Variants in UNC80 observed in about 807,000 individuals in gnomAD.
UNC80 encodes unc-80 subunit of NALCN channel complex.
A neutral mutation model predicts 384.6 loss-of-function variants in UNC80; 164 were observed. The ratio of observed to expected loss-of-function variants is 0.43; its 90% CI spans 0.38 to 0.49. UNC80 has a LOEUF of 0.49. UNC80 is among the 20% of genes least tolerant of loss of function. The pLI, the probability that UNC80 is intolerant of heterozygous loss-of-function variation, is 0.00. For missense variants in UNC80, 3,330 were observed against 4,143.0 expected, an observed-to-expected ratio of 0.80 and a Z score of 5.39; for synonymous variants, 1,486 against 1,527.8, an observed-to-expected ratio of 0.97 and a Z score of 0.64.
At chr2:209,969,639 C>A in intron 52 of UNC80, 129 bp from the exon 53 acceptor site, 2 of 1,313,812 alleles carry the variant, frequency 1.5e-6, no homozygotes, top group Non-Finnish European at 2.1e-6. Flanking sequence ...GCTTTTGGAA[C>A]AATATGGGTA....
intron 35 of UNC80, among the ~76,000 whole-genome samples, chr2:209,923,275 G>T (rs189351501): frequency 1.3e-5 from 2 of 152,132 alleles, no homozygotes; most frequent in East Asian, 3.9e-4. Context: ...CTAATCCAAG[G>T]TCGCAATTTG....
intron 22 of UNC80, among the ~76,000 whole-genome samples, chr2:209,869,436 A>T (rs149620349): frequency 6.6e-6 from 1 of 152,298 alleles, no homozygotes; most frequent in African/African-American, 2.4e-5. Flanking sequence ...CAAACTCAGC[A>T]AACTTAATTA....
At chr2:209,978,761 G>A in intron 59 of UNC80, 53 bp downstream of exon 59, 5 of 1,426,674 alleles carry the variant, frequency 3.5e-6, no homozygotes, top group Non-Finnish European at 4.7e-6. Context: ...CATACGAGCA[G>A]GGGCTTGGGA....
At chr2:209,968,744 T>G in intron 52 of UNC80, 1 of 152,222 alleles carries the variant, frequency 6.6e-6, no homozygotes, top group Non-Finnish European at 1.5e-5. Context: ...AATTCCTTTC[T>G]TAAATACTTC....
At chr2:209,842,530 A>G in intron 21 of UNC80, 84 bp downstream of exon 21, 1 of 964,914 alleles carries the variant, frequency 1.0e-6, no homozygotes, top group Non-Finnish European at 1.6e-6. Flanking sequence ...TCCATTTTCT[A>G]TTTTCATTGG....
intron 31 of UNC80, among the ~76,000 whole-genome samples, chr2:209,915,897 T>C (rs1458479160): frequency 6.6e-6 from 1 of 152,184 alleles, no homozygotes; most frequent in Non-Finnish European, 1.5e-5. Flanking sequence ...TTCCAACACA[T>C]GGAAATAATA....
rs2080064794 is a variant in UNC80 at position 209,820,606 on chromosome 2, G to A, written c.2258G>A (p.Gly753Glu). The A allele has an allele frequency of 6.4e-7, 1 of 1,550,644 alleles. No homozygotes were observed. ...EEGGGGDGGG[G>E]GGDGGGGGGG... ...GGAGGAGGTGGAGATGGAGGAGGTG[G>A]AGGAGGTGATGGAGGAGGAGGTGGA... is the stretch of plus-strand genomic sequence containing the variant. The change falls in exon 13 of 65, where the codon GGA becomes GAA. Residue 753 changes from glycine to glutamate, a missense_variant. Gly to Glu is a moderately conservative substitution (Grantham distance 98). Transcript: ENST00000673920.
At chr2:209,919,401 A>T (rs1363343212) in intron 33 of UNC80, among the ~76,000 whole-genome samples, 1 of 152,190 alleles carries the variant, frequency 6.6e-6, no homozygotes, top group Non-Finnish European at 1.5e-5. Context: ...GCAATAATAA[A>T]ATAATAACCA....
chr2:209,787,122 A>G (rs937864254), intron 5 of UNC80, among the ~76,000 whole-genome samples: 1 of 111,528 alleles, frequency 9.0e-6, no homozygotes, highest in African/African-American at 5.1e-5. Context: ...CATATAAGCT[A>G]TAATTTAACA....
At chr2:209,926,546 G>C (rs59286329) in intron 35 of UNC80, among the ~76,000 whole-genome samples, 1 of 152,186 alleles carries the variant, frequency 6.6e-6, no homozygotes, top group Non-Finnish European at 1.5e-5. Flanking sequence ...GGAGGTGGAG[G>C]TGGGAGGATT....
At chr2:209,806,815 A>G (rs767305177) in intron 7 of UNC80, among the ~76,000 whole-genome samples, 1 of 152,220 alleles carries the variant, frequency 6.6e-6, no homozygotes, top group South Asian at 2.1e-4. Flanking sequence ...GTTAGATTTC[A>G]TCTTTAATTA....
chr2:209,960,145 G>A (rs1403952128), intron 51 of UNC80, among the ~76,000 whole-genome samples: 4 of 152,192 alleles, frequency 2.6e-5, no homozygotes, highest in African/African-American at 9.7e-5. Context: ...CCAGTAATGA[G>A]CCCTGCAGGG....
intron 21 of UNC80, among the ~76,000 whole-genome samples, chr2:209,847,242 T>C (rs1360529503): frequency 6.6e-6 from 1 of 151,916 alleles, no homozygotes; most frequent in Non-Finnish European, 1.5e-5. Context: ...AAAAATACAT[T>C]CTCTTTTAAA....
At chr2:209,818,092 T>C (rs2079873907) in intron 11 of UNC80, 140 bp downstream of exon 11, 2 of 1,016,736 alleles carry the variant, frequency 2.0e-6, no homozygotes, top group Non-Finnish European at 2.9e-6. Context: ...TTGCTTTTGT[T>C]AGCCATTCTT....
intron 4 of UNC80, among the ~76,000 whole-genome samples, 196 bp from the exon 5 acceptor site, chr2:209,785,870 T>C (rs2077398337): frequency 6.6e-6 from 1 of 152,200 alleles, no homozygotes; most frequent in South Asian, 2.1e-4. Context: ...AGCTGGGATT[T>C]TCATAGTAAT....
At chr2:209,972,071 A>G (rs535810656) in intron 54 of UNC80, 130 bp from the exon 55 acceptor site, 5 of 1,139,446 alleles carry the variant, frequency 4.4e-6, no homozygotes, top group Non-Finnish European at 6.1e-6. Flanking sequence ...TGCTGTACAG[A>G]CAACAATTGA....
chr2:209,818,319 G>A (rs1427972236), intron 11 of UNC80, among the ~76,000 whole-genome samples: 1 of 150,184 alleles, frequency 6.7e-6, no homozygotes, highest in South Asian at 2.1e-4. Flanking sequence ...GAAAGTCACT[G>A]CCTTCCAAGG....
At chr2:209,851,577 T>C (rs1356260094) in intron 22 of UNC80, among the ~76,000 whole-genome samples, 6 of 152,122 alleles carry the variant, frequency 3.9e-5, no homozygotes, top group African/African-American at 7.2e-5. Flanking sequence ...GTTCTCTTAG[T>C]GATAACACAA....
chr2:209,789,553 A>G lies in UNC80; in HGVS notation c.746A>G (p.Asn249Ser), dbSNP rs746719234. Residue 249 changes from asparagine (N) to serine (S), a missense_variant, in exon 6 of 65, where the codon AAC becomes AGC. By Grantham distance (46) the Asn-to-Ser change is conservative (BLOSUM62 1). Transcript: ENST00000673920. ...TCAGCTAAGAGAAGTTCTCCTATCA[A>G]CAGTCAAAGCCGGACCTGTGAATCA... ...IITAKRSSPINSQSRTCESPN... is the reference protein window; with the variant it reads ...IITAKRSSPISSQSRTCESPN... The G allele has an allele frequency of 5.0e-6, 8 of 1,613,612 alleles. No individual in the cohort carries two copies. Among genetic ancestry groups the G allele is most frequent in the South Asian group, 1.1e-5 (1 of 91,040 alleles).
Sources: gnomAD v4.1 joint callset for allele counts (sites outside exome capture counted in the v4.1 genomes callset) on GRCh38, gnomAD v4.1.1 for gene constraint, MANE v1.5 for transcripts, NCBI Gene and HGNC (gene_info 2026-07-23, HGNC 2026-07-21) for gene names.